The following NMNAT2 variants were observed in gnomAD, a reference collection of about 807,000 sequenced individuals.
The protein encoded by NMNAT2 is nicotinamide nucleotide adenylyltransferase 2, also known as nicotinamide/nicotinic acid mononucleotide adenylyltransferase 2.
A neutral mutation model predicts 41.6 loss-of-function variants in NMNAT2; 11 were observed. The observed-to-expected ratio is 0.26, with a 90% confidence interval of 0.17 to 0.44. The LOEUF is 0.44. Among genes scored for constraint, NMNAT2 ranks in the 20% least tolerant of loss-of-function variants. The pLI is 1.00. For missense variants in NMNAT2, 288 were observed against 407.7 expected (o/e 0.71, Z 2.53); for synonymous variants, 148 against 151.2 (o/e 0.98, Z 0.16).
intron 1 of NMNAT2, among the ~76,000 whole-genome samples, chr1:183,308,529 CGTAAGA>C (rs2102322462): frequency 6.6e-6 from 1 of 152,168 alleles, no homozygotes; most frequent in East Asian, 1.9e-4. Flanking sequence ...CCGCATTATT[CGTAAGA>C]GTAAAAAATC....
intron 1 of NMNAT2, among the ~76,000 whole-genome samples, chr1:183,413,578 A>G (rs912988653): frequency 2.6e-5 from 4 of 151,596 alleles, no homozygotes; most frequent in Non-Finnish European, 5.9e-5. Context: ...ATTTTTCTAA[A>G]GAAATATTAA....
At chr1:183,357,208 G>C (rs1467823931) in intron 1 of NMNAT2, among the ~76,000 whole-genome samples, 1 of 142,084 alleles carries the variant, frequency 7.0e-6, no homozygotes, top group African/African-American at 2.6e-5. Context: ...AGGGAAGAGA[G>C]ACATCAAATT....
At chr1:183,349,530 C>T (rs1662999721) in intron 1 of NMNAT2, among the ~76,000 whole-genome samples, 1 of 152,284 alleles carries the variant, frequency 6.6e-6, no homozygotes, top group Non-Finnish European at 1.5e-5. Context: ...TATTTGAAGT[C>T]TGCATTTTAC....
At chr1:183,253,692 A>G (rs932804792) in intron 10 of NMNAT2, among the ~76,000 whole-genome samples, 2 of 151,258 alleles carry the variant, frequency 1.3e-5, no homozygotes, top group African/African-American at 4.9e-5. Context: ...CCTTTGATCT[A>G]TATCTCCCCA....
intron 1 of NMNAT2, among the ~76,000 whole-genome samples, chr1:183,373,966 G>A (rs905784059): frequency 8.5e-5 from 13 of 152,124 alleles, no homozygotes; most frequent in Non-Finnish European, 1.6e-4. Flanking sequence ...ACCTTGTATT[G>A]AGCAATCATT....
intron 1 of NMNAT2, among the ~76,000 whole-genome samples, chr1:183,295,618 A>G (rs1489550586): frequency 6.6e-6 from 1 of 152,136 alleles, no homozygotes; most frequent in Non-Finnish European, 1.5e-5. Flanking sequence ...TCATTATAGT[A>G]TCATACCCAG....
At chr1:183,346,007 T>C (rs1662921614) in intron 1 of NMNAT2, among the ~76,000 whole-genome samples, 1 of 152,162 alleles carries the variant, frequency 6.6e-6, no homozygotes, top group Non-Finnish European at 1.5e-5. Flanking sequence ...CTTTATAAAT[T>C]ACCCAGTTTC....
chr1:183,260,732 T>C (rs1000960969), intron 10 of NMNAT2, among the ~76,000 whole-genome samples: 1 of 150,642 alleles, frequency 6.6e-6, no homozygotes, highest in African/African-American at 2.4e-5. Flanking sequence ...GGTAGGAGAA[T>C]TGCTTGAACC....
chr1:183,417,122 T>C (rs1203909173), intron 1 of NMNAT2, among the ~76,000 whole-genome samples: 3 of 152,176 alleles, frequency 2.0e-5, no homozygotes, highest in East Asian at 1.9e-4. Context: ...TTTCCGTGTC[T>C]AAACGCTCAT....
chr1:183,292,802 G>A lies in NMNAT2; in HGVS notation c.230C>T (p.Ser77Phe). The A allele has an allele frequency of 1.2e-6, 2 of 1,614,012 alleles. No homozygotes were observed. Among genetic ancestry groups the A allele is most frequent in the Middle Eastern group, 1.6e-4 (1 of 6,062 alleles). ...LIMCQLAVQN[S>F]DWIRVDPWEC... ...AGGCCAGTCCTACCTGATCCAATCA[G>A]AATTCTGGACGGCCAGCTGACACAT... Residue 77 changes from serine (S) to phenylalanine (F), a missense_variant, in exon 3 of 11, where the codon TCT (serine) becomes TTT (phenylalanine). This residue lies in a region of NMNAT2 where 100 missense variants were observed against 168.5 expected (regional missense o/e 0.59). Transcript: ENST00000287713.
chr1:183,322,580 G>A (rs2102331441), intron 1 of NMNAT2, among the ~76,000 whole-genome samples: 1 of 152,288 alleles, frequency 6.6e-6, no homozygotes, highest in Non-Finnish European at 1.5e-5. Flanking sequence ...AGCTCCCACA[G>A]ATTACCAGAC....
At chr1:183,267,977 C>T (rs574990793) in intron 8 of NMNAT2, among the ~76,000 whole-genome samples, 1 of 152,256 alleles carries the variant, frequency 6.6e-6, no homozygotes, top group South Asian at 2.1e-4. Flanking sequence ...GGGTCTGTGA[C>T]ATTTATCCTG....
Position 183,303,866 on chromosome 1 carries a change from T to C in NMNAT2, c.86-10073A>G, listed in dbSNP as rs182868675. On this transcript the variant is annotated intron_variant, in intron 1 of 10. Transcript: ENST00000287713. Reference sequence around the variant, plus strand: ...TGAGTGGGCTGAGGCTCCCAATAAATACAGGCTAGTTATGGATTTCCTCTC... The same window carrying C: ...TGAGTGGGCTGAGGCTCCCAATAAACACAGGCTAGTTATGGATTTCCTCTC... Among the ~76,000 whole-genome samples the C allele has an allele frequency of 2.6e-5, 4 of 152,332 alleles. No individual in the cohort carries two copies. The East Asian group carries it at 5.8e-4, about 22-fold the overall frequency.
At chr1:183,287,573 A>G (rs1661431136) in intron 4 of NMNAT2, among the ~76,000 whole-genome samples, 1 of 152,234 alleles carries the variant, frequency 6.6e-6, no homozygotes. Flanking sequence ...CAGAGCTGAT[A>G]AGGCAGCATT....
intron 1 of NMNAT2, among the ~76,000 whole-genome samples, chr1:183,379,085 TATCTATA>T (rs5779173): frequency 0.13 from 19,816 of 146,976 alleles, 1,486 homozygotes; most frequent in Admixed American, 0.15. Flanking sequence ...TCTATATCTA[TATCTATA>T]ATCTATAATC....
In NMNAT2 at chr1:183,248,287, A is replaced by T. The variant is rs1317116337; in HGVS notation, c.*4354T>A. ...ACATAATTGAAACATTTTGCATAAA[A>T]CTCTTGCCCATGACTATTCTAGCAA... On this transcript the variant is annotated 3_prime_UTR_variant, in exon 11 of 11. Transcript: ENST00000287713. 2 of 152,560 alleles carry T rather than the reference A, an allele frequency of 1.3e-5. No homozygotes were observed. Among genetic ancestry groups the T allele is most frequent in the African/African-American group, 4.8e-5 (2 of 41,420 alleles). 9.5% of individuals were successfully genotyped at this position (152,560 alleles called of 1,614,324 possible). A position where few individuals can be genotyped will look rare whatever the true frequency, so the allele number is the denominator to read the frequency against.
At chr1:183,398,279 A>G (rs1291772492) in intron 1 of NMNAT2, among the ~76,000 whole-genome samples, 18 of 152,214 alleles carry the variant, frequency 1.2e-4, no homozygotes, top group South Asian at 4.1e-4. Flanking sequence ...TGATAAAACA[A>G]ACTTTAAACC....
At chr1:183,404,184 T>C (rs2101928234) in intron 1 of NMNAT2, among the ~76,000 whole-genome samples, 1 of 151,354 alleles carries the variant, frequency 6.6e-6, no homozygotes, top group Non-Finnish European at 1.5e-5. Context: ...CTGCAACCTC[T>C]GCCTCCCAGG....
At position 183,389,833 on chromosome 1, in the gene NMNAT2, A is replaced by G. The variant is rs1557897770; in HGVS notation, c.85+28350T>C. On this transcript the variant is annotated intron_variant, in intron 1 of 10. Transcript: ENST00000287713. Reference sequence around the variant, plus strand: ...GAAAGAAAGAAAGAAAGAAAGAAAGAAAGAAAGAAAGGAAAAAAGAGAAAG... The same window carrying G: ...GAAAGAAAGAAAGAAAGAAAGAAAGGAAGAAAGAAAGGAAAAAAGAGAAAG... Among the ~76,000 whole-genome samples the G allele has an allele frequency of 9.7e-4, 64 of 66,232 alleles. 8 individuals carry two copies. The highest frequency in any genetic ancestry group is 1.8e-3 in the Non-Finnish European group (54 of 30,344). 43.5% of individuals were successfully genotyped at this position (66,232 alleles called of 152,430 possible).
Sources: gnomAD v4.1 joint callset for allele counts (sites outside exome capture counted in the v4.1 genomes callset) on GRCh38, gnomAD v4.1.1 for gene constraint, gnomAD v4.1.1 regional missense constraint, MANE v1.5 for transcripts, NCBI Gene and HGNC (gene_info 2026-07-23, HGNC 2026-07-21) for gene names.